Variants in FAM107B observed in about 807,000 individuals in gnomAD.
The protein encoded by FAM107B is family with sequence similarity 107 member B.
FAM107B carries 21 observed loss-of-function variants against 31.5 expected under a neutral mutation model. The ratio of observed to expected loss-of-function variants is 0.67; its 90% CI spans 0.47 to 0.96. FAM107B has a LOEUF of 0.96. Among genes scored for constraint, FAM107B ranks in the 40% least tolerant of loss-of-function variants. The pLI, the probability that FAM107B is intolerant of heterozygous loss-of-function variation, is 0.00. For missense variants in FAM107B, 452 were observed against 377.1 expected (o/e 1.20, Z -1.64); for synonymous variants, 157 against 141.5 (o/e 1.11, Z -0.78).
intron 1 of FAM107B, among the ~76,000 whole-genome samples, chr10:14,709,635 C>T (rs1332272376): frequency 6.6e-6 from 1 of 152,064 alleles, no homozygotes; most frequent in Non-Finnish European, 1.5e-5. Context: ...GGGGACACAG[C>T]CAAATCATAT....
chr10:14,550,584 C>G (rs1849164409), intron 2 of FAM107B, among the ~76,000 whole-genome samples: 1 of 152,196 alleles, frequency 6.6e-6, no homozygotes, highest in Non-Finnish European at 1.5e-5. Context: ...CGTGGCACCC[C>G]TTAAGTAAAT....
At chr10:14,557,337 G>A (rs1588577360) in intron 2 of FAM107B, among the ~76,000 whole-genome samples, 1 of 152,226 alleles carries the variant, frequency 6.6e-6, no homozygotes, top group Non-Finnish European at 1.5e-5. Context: ...ATTATCATCT[G>A]TTAAAGTGAT....
At chr10:14,717,150 A>T (rs1855798762) in intron 1 of FAM107B, among the ~76,000 whole-genome samples, 1 of 152,154 alleles carries the variant, frequency 6.6e-6, no homozygotes, top group African/African-American at 2.4e-5. Context: ...CCGACAAAGC[A>T]GAGTTATTCT....
chr10:14,587,093 G>A (rs1284715567), intron 2 of FAM107B, among the ~76,000 whole-genome samples: 2 of 152,110 alleles, frequency 1.3e-5, no homozygotes, highest in Non-Finnish European at 2.9e-5. Flanking sequence ...CCTGTGTACA[G>A]GCACTGTGCC....
Position 14,629,022 on chromosome 10 carries a change from T to C in FAM107B, c.469+38612A>G, listed in dbSNP as rs189256401. On this transcript the variant is annotated intron_variant, in intron 2 of 4. Coordinates refer to ENST00000181796, the MANE Select transcript of FAM107B (RefSeq NM_031453.4). ...GCTTATAAATATGTTATATATATAT[T>C]AGCTTTATATTACAAGTCTCAGGAA... Among the ~76,000 whole-genome samples the C allele has an allele frequency of 5.0e-3, 759 of 151,092 alleles. 8 individuals carry two copies. The highest frequency in any genetic ancestry group is 0.018 in the African/African-American group (726 of 41,258).
chr10:14,639,862 ACTG>A (rs1030295400), intron 2 of FAM107B, among the ~76,000 whole-genome samples: 16 of 152,124 alleles, frequency 1.1e-4, no homozygotes, highest in Non-Finnish European at 1.9e-4. Flanking sequence ...TTCAGCTAAC[ACTG>A]CTGCTACTAC....
At chr10:14,612,042 CT>C in intron 2 of FAM107B, among the ~76,000 whole-genome samples, 1 of 152,020 alleles carries the variant, frequency 6.6e-6, no homozygotes, top group Non-Finnish European at 1.5e-5. Flanking sequence ...AAAGTTCCAG[CT>C]TTAGTTGTTG....
In FAM107B at chr10:14,774,284, A is replaced by T; in HGVS notation, c.380T>A (p.Ile127Asn). The T allele has an allele frequency of 6.2e-7, 1 of 1,613,556 alleles. No individual in the cohort carries two copies. Among genetic ancestry groups the T allele is most frequent in the South Asian group, 1.1e-5 (1 of 91,030 alleles). ...DCEAVVFHAS[I>N]PRPSIIDTPK... Reference sequence around the variant, plus strand: ...CGTGTCAATAATTGATGGTCTGGGGATGGAAGCGTGAAACACCACTGCTTC... The same window carrying T: ...CGTGTCAATAATTGATGGTCTGGGGTTGGAAGCGTGAAACACCACTGCTTC... The change falls in exon 1 of 5, where the codon ATC (isoleucine) becomes AAC (asparagine). Residue 127 changes from isoleucine (I) to asparagine (N), a missense_variant. Transcript: ENST00000181796.
intron 2 of FAM107B, among the ~76,000 whole-genome samples, chr10:14,636,572 A>G (rs1191379735): frequency 6.6e-6 from 1 of 152,232 alleles, no homozygotes; most frequent in Non-Finnish European, 1.5e-5. Flanking sequence ...GGACATCAGT[A>G]ATATTGGATT....
chr10:14,543,149 C>CT (rs1848378305), intron 2 of FAM107B, among the ~76,000 whole-genome samples: 1 of 152,110 alleles, frequency 6.6e-6, no homozygotes, highest in Non-Finnish European at 1.5e-5. Flanking sequence ...TTCAAGGACT[C>CT]TTGATTTTAC....
intron 1 of FAM107B, among the ~76,000 whole-genome samples, chr10:14,767,055 T>TATATATATATATAG (rs1440609298): frequency 5.5e-4 from 10 of 18,278 alleles, no homozygotes; most frequent in African/African-American, 4.6e-4. Context: ...TATATATATA[T>TATATATATATATAG]AGAGAGAGAG....
Position 14,728,547 on chromosome 10 carries a change from A to G in FAM107B, c.411+45706T>C, listed in dbSNP as rs146020696. ...TTTTTGTGGGTTATCCATCACTGAA[A>G]GCTTGTCAACAGCTTCCCCACCCTG... On this transcript the variant is annotated intron_variant, in intron 1 of 4. Coordinates refer to ENST00000181796, the MANE Select transcript of FAM107B (RefSeq NM_031453.4). 3.4e-3 allele frequency among the ~76,000 whole-genome samples: 524 copies of G among 152,276 alleles called. 12 individuals carry two copies. The East Asian group carries it at 0.046, about 13-fold the overall frequency.
intron 1 of FAM107B, among the ~76,000 whole-genome samples, chr10:14,772,290 G>A (rs1035291033): frequency 6.6e-6 from 1 of 151,790 alleles, no homozygotes; most frequent in Non-Finnish European, 1.5e-5. Flanking sequence ...GGAGGCAGAG[G>A]CTGCAGTGAG....
At chr10:14,697,048 A>G (rs1189731778) in intron 1 of FAM107B, among the ~76,000 whole-genome samples, 1 of 151,970 alleles carries the variant, frequency 6.6e-6, no homozygotes, top group East Asian at 1.9e-4. Context: ...AGAGAGAGAG[A>G]AAAAAAATGG....
chr10:14,522,103 A>C, intron 3 of FAM107B, 84 bp from the exon 4 acceptor site: 1 of 1,514,900 alleles, frequency 6.6e-7, no homozygotes, highest in African/African-American at 1.4e-5. Flanking sequence ...TACAATATCA[A>C]CCACGGAAAA....
In FAM107B at chr10:14,670,028, C is replaced by A. The variant is rs562988810; in HGVS notation, c.412-2337G>T. ...CACATTCTATGCATGTAAAAAAAAT[C>A]ACAAGTACCCCATGAATATGTAAAT... On this transcript the variant is annotated intron_variant, in intron 1 of 4. Transcript: ENST00000181796. 2.6e-5 allele frequency among the ~76,000 whole-genome samples: 4 copies of A among 152,198 alleles called. No homozygotes were observed. The South Asian group carries it at 8.3e-4, about 32-fold the overall frequency.
intron 2 of FAM107B, among the ~76,000 whole-genome samples, chr10:14,597,025 A>C (rs140335222): frequency 6.6e-6 from 1 of 152,334 alleles, no homozygotes; most frequent in African/African-American, 2.4e-5. Context: ...AAATCTTTCA[A>C]GTCTAGGCCT....
chr10:14,543,444 G>A (rs1848412281), intron 2 of FAM107B, among the ~76,000 whole-genome samples: 1 of 152,096 alleles, frequency 6.6e-6, no homozygotes, highest in Non-Finnish European at 1.5e-5. Flanking sequence ...GGCCTCCTGA[G>A]CTCGGGAGAG....
intron 2 of FAM107B, among the ~76,000 whole-genome samples, chr10:14,540,145 T>C (rs1035957312): frequency 9.8e-5 from 15 of 152,326 alleles, no homozygotes; most frequent in African/African-American, 3.6e-4. Flanking sequence ...TTTGAGCTTA[T>C]TCCTAGGGCA....
Sources: allele counts gnomAD v4.1 joint callset (sites outside exome capture counted in the v4.1 genomes callset), GRCh38; gene constraint gnomAD v4.1.1; transcripts MANE v1.5; gene names NCBI Gene and HGNC (gene_info 2026-07-23, HGNC 2026-07-21).